The following SEC23B variants were observed in gnomAD, a reference collection of about 807,000 sequenced individuals.
SEC23B encodes protein transport protein Sec23B.
SEC23B carries 77 observed loss-of-function variants against 104.3 expected under a neutral mutation model. The observed-to-expected ratio is 0.74, with a 90% CI of 0.61 to 0.89. SEC23B has a LOEUF of 0.89. SEC23B is among the 40% of genes least tolerant of loss of function. The pLI, the probability that SEC23B is intolerant of heterozygous loss-of-function variation, is 0.00. For missense variants in SEC23B, 885 were observed against 949.4 expected, an observed-to-expected ratio of 0.93 and a Z score of 0.89; for synonymous variants, 338 against 332.5, an observed-to-expected ratio of 1.02 and a Z score of -0.18.
chr20:18,512,225 T>G lies in SEC23B; in HGVS notation c.222T>G (p.Cys74Trp). 6.3e-7 allele frequency: 1 copy of G among 1,578,282 alleles called. No homozygotes were observed. The highest frequency in any genetic ancestry group is 8.7e-7 in the Non-Finnish European group (1 of 1,151,182). The change falls in exon 3 of 20, where the codon TGT (cysteine) becomes TGG (tryptophan). Residue 74 changes from cysteine to tryptophan, a missense_variant and splice_region_variant. Physicochemically the swap from Cys to Trp is radical, Grantham distance 215. Transcript: ENST00000650089. ...CTTATAATATTTATCTTTCTCACAG[T>G]CAGGTTGATTATCGAGCAAAACTTT... ...PTCKAVLNPL[C>W]QVDYRAKLWA...
At chr20:18,557,910 C>A (rs951853696) in intron 19 of SEC23B, among the ~76,000 whole-genome samples, 1 of 151,874 alleles carries the variant, frequency 6.6e-6, no homozygotes, top group Non-Finnish European at 1.5e-5. Context: ...CACCACCACG[C>A]CTGACTAATT....
At chr20:18,538,351 G>A (rs948630671) in intron 12 of SEC23B, among the ~76,000 whole-genome samples, 2 of 149,932 alleles carry the variant, frequency 1.3e-5, no homozygotes, top group Non-Finnish European at 2.9e-5. Context: ...CTGGGTTCAC[G>A]CCATTCTCCT....
At position 18,524,640 on chromosome 20, in the gene SEC23B, AC is replaced by A. The variant is rs1356752421; in HGVS notation, c.576del (p.Lys193ArgfsTer3). On this transcript the variant is annotated frameshift_variant, in exon 5 of 20. Transcript: ENST00000650089. LOFTEE classifies it high-confidence loss of function. ...CTCCAAAAGTTATGTCTTCCGAGGG[AC>A]CAAGGATTTAACTGCAAAGCAAATA... ...GISKSYVFRG[T>X]KDLTAKQIQD... The A allele has an allele frequency of 2.5e-6, 4 of 1,613,968 alleles. No individual in the cohort carries two copies. Among genetic ancestry groups the A allele is most frequent in the Non-Finnish European group, 3.4e-6 (4 of 1,179,982 alleles).
At chr20:18,555,834 G>A (rs1375746226) in intron 19 of SEC23B, among the ~76,000 whole-genome samples, 2 of 151,964 alleles carry the variant, frequency 1.3e-5, no homozygotes, top group African/African-American at 4.8e-5. Context: ...GTCAAGATGT[G>A]CAGCATTTCC....
rs367898460 is a variant in SEC23B at position 18,542,081 on chromosome 20, ATTAAC to A, written c.1405-210_1405-206del. ...GCCTAAACACTTCAGTAGGTGTATC[ATTAAC>A]TTAAGTTCAGTATTGAACGTAGTTC... On this transcript the variant is annotated intron_variant, in intron 12 of 19. Coordinates refer to ENST00000650089, the MANE Select transcript of SEC23B (RefSeq NM_006363.6). Among the ~76,000 whole-genome samples the A allele has an allele frequency of 2.3e-4, 35 of 152,354 alleles. No homozygotes were observed. In the East Asian group the frequency reaches 6.2e-3, roughly 27 times the overall value.
In SEC23B at chr20:18,530,836, C is replaced by T. The variant is rs1314155843; in HGVS notation, c.1233+33C>T. The T allele has an allele frequency of 7.1e-6, 11 of 1,541,810 alleles. 1 individual carries two copies. In the Admixed American group the frequency reaches 1.9e-4, roughly 26 times the overall value. On this transcript the variant is annotated intron_variant, in intron 10 of 19. Transcript: ENST00000650089. ...AAACTTTTTTTTTTTTTTATGTGGA[C>T]TCACTGTACTGCCCAGGCTGGTCTC...
chr20:18,515,519 C>T, intron 3 of SEC23B, 131 bp from the exon 4 acceptor site: 2 of 679,338 alleles, frequency 2.9e-6, no homozygotes, highest in South Asian at 1.5e-5. Flanking sequence ...CACAGTGTTG[C>T]CCAAGCTAGT....
Position 18,554,976 on chromosome 20 carries a change from TTA to T in SEC23B, c.2149-131_2149-130del. The T allele has an allele frequency of 1.7e-3, 119 of 71,012 alleles. 42 individuals carry two copies. The highest frequency in any genetic ancestry group is 3.2e-3 in the Non-Finnish European group (77 of 23,698). The allele number at this position is 71,012 out of a possible 1,614,324, so 4.4% of individuals were successfully genotyped here. On this transcript the variant is annotated intron_variant, in intron 18 of 19. Coordinates refer to ENST00000650089, the MANE Select transcript of SEC23B (RefSeq NM_006363.6). ...TTACTGTGCAGTAAAACAATTCTAA[TTA>T]GATTACTGTGCAGTAAAACAATTCT...
At chr20:18,534,114 G>A (rs2060208262) in intron 11 of SEC23B, among the ~76,000 whole-genome samples, 1 of 151,872 alleles carries the variant, frequency 6.6e-6, no homozygotes, top group African/African-American at 2.4e-5. Context: ...TGCCACATTT[G>A]CTTTATCTGA....
intron 3 of SEC23B, among the ~76,000 whole-genome samples, chr20:18,512,801 C>T (rs1331348171): frequency 6.6e-6 from 1 of 152,140 alleles, no homozygotes; most frequent in Non-Finnish European, 1.5e-5. Context: ...CCTGTAATCC[C>T]AGCATTTTGG....
Position 18,551,121 on chromosome 20 carries a change from T to C in SEC23B, c.1938T>C (p.Ala646=). ...TCTTGGATAGCAGCAGCATTCTAGC[T>C]GACAGAATTTTGCTGATGGATACTT... ...PVLLDSSSIL[A]DRILLMDTFF... is the part of the protein sequence containing the mutation. Residue 646 remains alanine (A), a synonymous_variant, in exon 17 of 20, where the codon GCT becomes GCC. Transcript: ENST00000650089. The C allele has an allele frequency of 6.2e-7, 1 of 1,607,816 alleles. No individual in the cohort carries two copies. Among genetic ancestry groups the C allele is most frequent in the Non-Finnish European group, 8.5e-7 (1 of 1,178,076 alleles).
At chr20:18,513,133 G>A (rs1471576141) in intron 3 of SEC23B, among the ~76,000 whole-genome samples, 1 of 152,078 alleles carries the variant, frequency 6.6e-6, no homozygotes, top group African/African-American at 2.4e-5. Flanking sequence ...GCAGTGAGCC[G>A]AGATTGAGCC....
chr20:18,559,194 T>G (rs1241438158), intron 19 of SEC23B, among the ~76,000 whole-genome samples: 1 of 151,950 alleles, frequency 6.6e-6, no homozygotes, highest in Non-Finnish European at 1.5e-5. Flanking sequence ...TGTTACTGCT[T>G]AGTGGGAATG....
chr20:18,518,307 T>G (rs2060048890), intron 4 of SEC23B, among the ~76,000 whole-genome samples: 1 of 152,168 alleles, frequency 6.6e-6, no homozygotes, highest in Non-Finnish European at 1.5e-5. Flanking sequence ...GTATTTTAGT[T>G]TCCTGACTCA....
intron 9 of SEC23B, among the ~76,000 whole-genome samples, chr20:18,530,479 C>T (rs1466030508): frequency 6.6e-6 from 1 of 152,168 alleles, no homozygotes; most frequent in Non-Finnish European, 1.5e-5. Flanking sequence ...AAGTGATCCG[C>T]CCTCCTTGGC....
rs1244063638 is a variant in SEC23B at position 18,548,756 on chromosome 20, C to T, written c.1891C>T (p.His631Tyr). ...GCCCATTCTCTACTCTTACTCCTTT[C>T]ATGGGCCACCAGAGGTGAGGCTCTA... ...IQPILYSYSF[H>Y]GPPEPVLLDS... is the part of the protein sequence containing the mutation. Residue 631 changes from histidine to tyrosine, a missense_variant, in exon 16 of 20, where the codon CAT (histidine) becomes TAT (tyrosine). Physicochemically the swap from His to Tyr is moderately conservative, Grantham distance 83 (BLOSUM62 2). Transcript: ENST00000650089. The T allele has an allele frequency of 5.0e-6, 8 of 1,614,212 alleles. No individual in the cohort carries two copies. The highest frequency in any genetic ancestry group is 6.8e-6 in the Non-Finnish European group (8 of 1,180,028).
intron 12 of SEC23B, among the ~76,000 whole-genome samples, chr20:18,539,490 A>G (rs2060268076): frequency 7.1e-6 from 1 of 141,296 alleles, no homozygotes; most frequent in South Asian, 2.5e-4. Flanking sequence ...AGCCTGGGCG[A>G]CAGAGCAAGA....
chr20:18,534,073 C>G (rs1260544734), intron 11 of SEC23B, among the ~76,000 whole-genome samples: 1 of 152,180 alleles, frequency 6.6e-6, no homozygotes, highest in Non-Finnish European at 1.5e-5. Context: ...TGATTGTTAA[C>G]ATTTTGCCAT....
chr20:18,523,687 A>C (rs1600239134), intron 4 of SEC23B, among the ~76,000 whole-genome samples: 1 of 148,140 alleles, frequency 6.8e-6, no homozygotes, highest in Non-Finnish European at 1.5e-5. Context: ...GGCATGAGCC[A>C]CTGTGCCCGG....
Sources: allele counts gnomAD v4.1 joint callset (sites outside exome capture counted in the v4.1 genomes callset), GRCh38; gene constraint gnomAD v4.1.1; transcripts MANE v1.5; gene names NCBI Gene and HGNC (gene_info 2026-07-23, HGNC 2026-07-21).